The following PTPRD variants were observed in gnomAD, a reference collection of about 807,000 sequenced individuals.
PTPRD encodes the protein receptor-type tyrosine-protein phosphatase delta.
Under a neutral mutation model 214.5 loss-of-function variants are expected in PTPRD, and 34 were observed. The ratio of observed to expected loss-of-function variants is 0.16; its 90% CI spans 0.12 to 0.21. The LOEUF (loss-of-function observed/expected upper bound fraction) is 0.21. Among genes scored for constraint, PTPRD ranks in the 10% least tolerant of loss-of-function variants. The pLI, the probability that PTPRD is intolerant of heterozygous loss-of-function variation, is 1.00. For missense variants in PTPRD, 2,545 were observed against 2,398.7 expected (o/e 1.06, Z -1.27); for synonymous variants, 1,128 against 845.7 (o/e 1.33, Z -5.79).
chr9:8,495,399 T>C (rs1044155506), intron 26 of PTPRD, among the ~76,000 whole-genome samples: 9 of 152,230 alleles, frequency 5.9e-5, no homozygotes, highest in African/African-American at 1.9e-4. Context: ...CTCAACTCTG[T>C]TGCATTTTTA....
chr9:8,452,438 A>C (rs549283235), intron 33 of PTPRD, among the ~76,000 whole-genome samples: 1 of 152,360 alleles, frequency 6.6e-6, no homozygotes, highest in Non-Finnish European at 1.5e-5. Flanking sequence ...GTCATAAAAT[A>C]TTAAAAGACA....
chr9:9,020,601 G>T (rs2099563886), intron 10 of PTPRD, among the ~76,000 whole-genome samples: 1 of 152,098 alleles, frequency 6.6e-6, no homozygotes, highest in African/African-American at 2.4e-5. Context: ...AGGTGGTAAA[G>T]ACTGAGAATA....
intron 4 of PTPRD, among the ~76,000 whole-genome samples, chr9:9,996,840 C>G (rs1433698672): frequency 6.6e-6 from 1 of 152,096 alleles, no homozygotes; most frequent in African/African-American, 2.4e-5. Context: ...ACAAGACAAC[C>G]TTCAACAACA....
chr9:8,817,544 T>C (rs1265604593), intron 11 of PTPRD, among the ~76,000 whole-genome samples: 7 of 152,086 alleles, frequency 4.6e-5, no homozygotes, highest in Non-Finnish European at 7.4e-5. Flanking sequence ...GGTACAAAGA[T>C]TGCTTGAGCT....
chr9:9,008,135 T>G (rs1052738922), intron 11 of PTPRD, among the ~76,000 whole-genome samples: 2 of 149,454 alleles, frequency 1.3e-5, no homozygotes, highest in African/African-American at 2.4e-5. Context: ...TGTTTACTTA[T>G]CCTATGTTCT....
intron 5 of PTPRD, among the ~76,000 whole-genome samples, chr9:9,873,337 T>G (rs970205519): frequency 6.6e-6 from 1 of 152,042 alleles, no homozygotes; most frequent in African/African-American, 2.4e-5. Flanking sequence ...TCCTATTTTA[T>G]CAAAGGAATA....
At chr9:8,847,554 A>C (rs887291214) in intron 11 of PTPRD, among the ~76,000 whole-genome samples, 1 of 152,142 alleles carries the variant, frequency 6.6e-6, no homozygotes, top group African/African-American at 2.4e-5. Flanking sequence ...AGACCGAGTA[A>C]TTTTCCATGT....
intron 3 of PTPRD, among the ~76,000 whole-genome samples, chr9:10,127,254 A>T (rs2098826844): frequency 6.6e-6 from 1 of 152,268 alleles, no homozygotes; most frequent in Admixed American, 6.5e-5. Context: ...CACAAGACCA[A>T]TGTCCTGAGT....
At chr9:8,811,778 T>A (rs1252379472) in intron 11 of PTPRD, among the ~76,000 whole-genome samples, 2 of 152,232 alleles carry the variant, frequency 1.3e-5, no homozygotes, top group East Asian at 3.9e-4. Flanking sequence ...CATCTCTTGC[T>A]GTTACTGAAA....
intron 14 of PTPRD, among the ~76,000 whole-genome samples, chr9:8,563,863 CCAT>C (rs1165018428): frequency 6.6e-6 from 1 of 152,180 alleles, no homozygotes; most frequent in Non-Finnish European, 1.5e-5. Context: ...CCAGGTTTCA[CCAT>C]GTCAGACAGG....
chr9:8,477,121 G>GAA (rs538039183), intron 30 of PTPRD, among the ~76,000 whole-genome samples: 175 of 138,432 alleles, frequency 1.3e-3, no homozygotes, highest in African/African-American at 4.4e-3. Context: ...TGCTTGAAAT[G>GAA]AAAAAAAAAA....
At chr9:9,148,527 A>ACC (rs1411589799) in intron 10 of PTPRD, among the ~76,000 whole-genome samples, 1 of 152,054 alleles carries the variant, frequency 6.6e-6, no homozygotes, top group Non-Finnish European at 1.5e-5. Context: ...CCAAGTACTC[A>ACC]CCCCCATATG....
intron 2 of PTPRD, among the ~76,000 whole-genome samples, chr9:10,375,182 G>A (rs1006176462): frequency 6.6e-6 from 1 of 151,994 alleles, no homozygotes; most frequent in African/African-American, 2.4e-5. Context: ...TCTTACTGGG[G>A]CAAGTAACTA....
chr9:8,510,811 A>G (rs868217868), intron 21 of PTPRD, among the ~76,000 whole-genome samples: 1 of 152,152 alleles, frequency 6.6e-6, no homozygotes, highest in Non-Finnish European at 1.5e-5. Flanking sequence ...ATTTTTTTAA[A>G]TAAGGTATAA....
At chr9:10,026,061 G>C (rs566100685) in intron 4 of PTPRD, among the ~76,000 whole-genome samples, 9 of 152,302 alleles carry the variant, frequency 5.9e-5, no homozygotes, top group African/African-American at 1.7e-4. Context: ...GCTCTAATAT[G>C]TCTCTTGCAA....
Position 9,752,236 on chromosome 9 carries a change from T to A in PTPRD, c.-326+14574A>T, listed in dbSNP as rs558941688. On this transcript the variant is annotated intron_variant, in intron 6 of 45. Transcript: ENST00000381196. ...GTATCTATGCCATTTTGGCCCCTAT[T>A]AGCACAAGTAATTGAGAGGAAAATC... 8.5e-5 allele frequency among the ~76,000 whole-genome samples: 13 copies of A among 152,186 alleles called. No homozygotes were observed. In the South Asian group the frequency reaches 2.5e-3, roughly 29 times the overall value.
At chr9:8,581,504 T>G (rs979741321) in intron 14 of PTPRD, among the ~76,000 whole-genome samples, 2 of 152,024 alleles carry the variant, frequency 1.3e-5, no homozygotes, top group African/African-American at 2.4e-5. Flanking sequence ...ATCCCAGCAC[T>G]TTGGGAGGCC....
At chr9:8,824,263 G>C (rs2097133027) in intron 11 of PTPRD, among the ~76,000 whole-genome samples, 1 of 152,122 alleles carries the variant, frequency 6.6e-6, no homozygotes, top group African/African-American at 2.4e-5. Context: ...GAGTTGCTGT[G>C]GTTAGCACAC....
intron 9 of PTPRD, among the ~76,000 whole-genome samples, chr9:9,283,401 A>G (rs1163675614): frequency 6.6e-6 from 1 of 151,480 alleles, no homozygotes; most frequent in Non-Finnish European, 1.5e-5. Flanking sequence ...TGTCCCATCT[A>G]CAAATGAACC....
Sources: allele counts gnomAD v4.1 joint callset (sites outside exome capture counted in the v4.1 genomes callset), GRCh38; gene constraint gnomAD v4.1.1; transcripts MANE v1.5; gene names NCBI Gene and HGNC (gene_info 2026-07-23, HGNC 2026-07-21).